DPY19L2: variants seen among roughly 807,000 people sequenced by gnomAD.
The protein encoded by DPY19L2 is dpy-19 like 2.
A neutral mutation model predicts 97.9 loss-of-function variants in DPY19L2; 34 were observed. That is an observed-to-expected ratio of 0.35 (90% CI 0.26 to 0.46). The LOEUF is 0.46. DPY19L2 is among the 20% of genes least tolerant of loss of function. The pLI is 1.00. For missense variants in DPY19L2, 623 were observed against 911.4 expected, an observed-to-expected ratio of 0.68 and a Z score of 4.07; for synonymous variants, 230 against 307.9, an observed-to-expected ratio of 0.75 and a Z score of 2.65.
At chr12:63,636,344 C>A (rs1220009166) in intron 6 of DPY19L2, among the ~76,000 whole-genome samples, 7 of 152,096 alleles carry the variant, frequency 4.6e-5, no homozygotes, top group Non-Finnish European at 7.4e-5. Flanking sequence ...TAAAGACCAT[C>A]GATGCTAGGA....
chr12:63,667,955 T>C, intron 1 of DPY19L2, 102 bp downstream of exon 1: 2 of 1,381,226 alleles, frequency 1.4e-6, no homozygotes, highest in South Asian at 1.4e-5. Context: ...TATTATTTCC[T>C]ACTAGGCACC....
At chr12:63,601,839 A>T (rs1180519483) in intron 12 of DPY19L2, among the ~76,000 whole-genome samples, 3 of 152,096 alleles carry the variant, frequency 2.0e-5, no homozygotes, top group Non-Finnish European at 4.4e-5. Flanking sequence ...TGAGAACCCA[A>T]ACCAAAAGAC....
intron 6 of DPY19L2, among the ~76,000 whole-genome samples, chr12:63,631,705 C>T (rs879162343): frequency 6.6e-6 from 1 of 152,146 alleles, no homozygotes; most frequent in South Asian, 2.1e-4. Flanking sequence ...TCCTCCCTAA[C>T]TCATTTTAGG....
chr12:63,577,582 C>CTCTGT (rs1459014892), intron 19 of DPY19L2, among the ~76,000 whole-genome samples: 3 of 149,816 alleles, frequency 2.0e-5, no homozygotes, highest in African/African-American at 7.6e-5. Flanking sequence ...GCTCAAACAA[C>CTCTGT]AAATCTAAAA....
Position 63,569,354 on chromosome 12 carries a change from A to C in DPY19L2, c.2001-5T>G. 1 of 1,558,246 alleles carries C rather than the reference A, an allele frequency of 6.4e-7. No individual in the cohort carries two copies. Among genetic ancestry groups the C allele is most frequent in the Non-Finnish European group, 8.7e-7 (1 of 1,153,854 alleles). ...TAAACTATTTTTGTCCGAGCCCTTTAAATTTAAACAATAATTTAAAAGATT... is the reference window on the plus strand; with the variant it reads ...TAAACTATTTTTGTCCGAGCCCTTTCAATTTAAACAATAATTTAAAAGATT... On this transcript the variant is annotated splice_region_variant and splice_polypyrimidine_tract_variant and intron_variant, in intron 20 of 21. Transcript: ENST00000324472.
chr12:63,593,390 CA>C (rs1434501357), intron 16 of DPY19L2, among the ~76,000 whole-genome samples: 200 of 152,188 alleles, frequency 1.3e-3, no homozygotes, highest in Non-Finnish European at 3.4e-4. Context: ...GGAACCAACC[CA>C]AATGTCCAAC....
At chr12:63,599,178 CAAAAA>C (rs34866870) in intron 13 of DPY19L2, among the ~76,000 whole-genome samples, 3 of 125,006 alleles carry the variant, frequency 2.4e-5, no homozygotes, top group African/African-American at 8.0e-5. Context: ...TTTCAAAAAA[CAAAAA>C]AAAAAAAAAA....
intron 2 of DPY19L2, among the ~76,000 whole-genome samples, chr12:63,665,472 C>CAAA (rs760781422): frequency 7.0e-4 from 66 of 94,882 alleles, no homozygotes; most frequent in African/African-American, 1.8e-3. Flanking sequence ...GACTCTGTCT[C>CAAA]AAAAAAAAAA....
At chr12:63,615,832 G>A (rs1391522195) in intron 11 of DPY19L2, among the ~76,000 whole-genome samples, 2 of 152,058 alleles carry the variant, frequency 1.3e-5, no homozygotes, top group Non-Finnish European at 2.9e-5. Flanking sequence ...TATAATGGTA[G>A]TTTAAGAATG....
At position 63,634,460 on chromosome 12, in the gene DPY19L2, G is replaced by A. The variant is rs527883033; in HGVS notation, c.804-7934C>T. On this transcript the variant is annotated intron_variant, in intron 6 of 21. Transcript: ENST00000324472. ...CACTGGGGCTTGTCCAATAGTGGGT[G>A]CAGCCCACGGAGCAGGGTGGGGCAT... Among the ~76,000 whole-genome samples the A allele has an allele frequency of 5.9e-5, 9 of 152,288 alleles. No individual in the cohort carries two copies. The South Asian group carries it at 1.9e-3, about 32-fold the overall frequency.
At chr12:63,632,726 T>C (rs1252447156) in intron 6 of DPY19L2, among the ~76,000 whole-genome samples, 6 of 152,056 alleles carry the variant, frequency 3.9e-5, no homozygotes, top group African/African-American at 1.4e-4. Context: ...TAAAAGTTCA[T>C]ATGGAACCAA....
intron 4 of DPY19L2, among the ~76,000 whole-genome samples, chr12:63,658,324 G>A (rs188631142): frequency 0.014 from 2,103 of 152,036 alleles, 25 homozygotes; most frequent in Non-Finnish European, 0.021. Context: ...GTGAAACCCC[G>A]TTTCTACTAA....
At chr12:63,628,131 C>T (rs1347564779) in intron 6 of DPY19L2, among the ~76,000 whole-genome samples, 2 of 152,120 alleles carry the variant, frequency 1.3e-5, no homozygotes, top group South Asian at 4.1e-4. Flanking sequence ...CTACAGCTCC[C>T]AGCATGAGCG....
Position 63,594,652 on chromosome 12 carries a change from C to G in DPY19L2, c.1534-519G>C, listed in dbSNP as rs199594180. The stretch of plus-strand genomic sequence containing the variant: ...GCTGCAGGGACGTGTGTGTGCGTGT[C>G]TGTGTGTGTGTGTGTGTGTATGCAC... On this transcript the variant is annotated intron_variant, in intron 15 of 21. Transcript: ENST00000324472. 6.0e-3 allele frequency among the ~76,000 whole-genome samples: 671 copies of G among 111,896 alleles called. 12 individuals are homozygous for G. The highest frequency in any genetic ancestry group is 0.028 in the African/African-American group (621 of 22,380). 73.4% of individuals were successfully genotyped at this position (111,896 alleles called of 152,430 possible).
intron 6 of DPY19L2, among the ~76,000 whole-genome samples, chr12:63,635,749 A>G (rs1005086392): frequency 6.6e-6 from 1 of 152,112 alleles, no homozygotes; most frequent in Non-Finnish European, 1.5e-5. Context: ...AAAGAAATAA[A>G]CAAAGCCTCC....
intron 2 of DPY19L2, among the ~76,000 whole-genome samples, chr12:63,664,293 T>C (rs1053079565): frequency 6.6e-6 from 1 of 151,846 alleles, no homozygotes; most frequent in Non-Finnish European, 1.5e-5. Flanking sequence ...GCAGAGATCA[T>C]GCCACTGCAC....
intron 16 of DPY19L2, 38 bp from the exon 17 acceptor site, chr12:63,583,874 TC>T: frequency 6.4e-7 from 1 of 1,555,004 alleles, no homozygotes. Flanking sequence ...TTACTGAAGG[TC>T]TTTTATACTA....
intron 6 of DPY19L2, among the ~76,000 whole-genome samples, chr12:63,634,405 G>T (rs1421483533): frequency 6.6e-6 from 1 of 152,086 alleles, no homozygotes; most frequent in Non-Finnish European, 1.5e-5. Flanking sequence ...GGTGATTTCT[G>T]CATTTCCAAC....
rs550232921 is a variant in DPY19L2, at chr12:63,665,977, C to T, written c.338-118G>A. 1,631 of 988,618 alleles carry T rather than the reference C, an allele frequency of 1.6e-3. 20 individuals carry two copies. Among genetic ancestry groups the T allele is most frequent in the Middle Eastern group, 6.2e-3 (19 of 3,062 alleles). 61.2% of individuals were successfully genotyped at this position (988,618 alleles called of 1,614,324 possible). On this transcript the variant is annotated intron_variant, in intron 1 of 21. Transcript: ENST00000324472. ...TAGAAAGATAGCACACAAAGCAAGA[C>T]GGCCAGCTAATCCTGTCTCTAAGAG... is the stretch of plus-strand genomic sequence containing the variant.
Sources: allele counts gnomAD v4.1 joint callset (sites outside exome capture counted in the v4.1 genomes callset), GRCh38; gene constraint gnomAD v4.1.1; transcripts MANE v1.5; gene names NCBI Gene and HGNC (gene_info 2026-07-23, HGNC 2026-07-21).